Variants in EYS observed in about 807,000 individuals in gnomAD.
The protein encoded by EYS is protein eyes shut homolog.
A neutral mutation model predicts 282.1 loss-of-function variants in EYS; 250 were observed. The ratio of observed to expected loss-of-function variants is 0.89; its 90% CI spans 0.80 to 0.98. The LOEUF (loss-of-function observed/expected upper bound fraction) is 0.98, where lower values mean the gene tolerates loss of function less well. Ranked by LOEUF, EYS falls within the 50% of genes least tolerant of loss-of-function variation. EYS has a pLI of 0.00. For missense variants in EYS, 4,016 were observed against 3,709.0 expected (o/e 1.08, Z -2.15); for synonymous variants, 1,355 against 1,282.9 (o/e 1.06, Z -1.20).
At chr6:64,711,234 AT>A (rs1458861890) in intron 22 of EYS, among the ~76,000 whole-genome samples, 1 of 152,204 alleles carries the variant, frequency 6.6e-6, no homozygotes, top group Admixed American at 6.5e-5. Flanking sequence ...AGAAAGCAAC[AT>A]TGTATTTTAA....
intron 37 of EYS, among the ~76,000 whole-genome samples, chr6:63,796,796 G>T (rs1385927107): frequency 1.3e-5 from 2 of 152,188 alleles, no homozygotes; most frequent in Non-Finnish European, 2.9e-5. Context: ...TCATAGGATT[G>T]TCTCTAGGAA....
intron 22 of EYS, among the ~76,000 whole-genome samples, chr6:64,771,415 A>T (rs997737576): frequency 9.9e-5 from 15 of 151,054 alleles, no homozygotes; most frequent in Non-Finnish European, 4.5e-5. Flanking sequence ...TTTCTATTTT[A>T]CTTAGGAATG....
At chr6:65,611,043 G>A (rs1178082714) in intron 2 of EYS, among the ~76,000 whole-genome samples, 1 of 151,940 alleles carries the variant, frequency 6.6e-6, no homozygotes, top group Non-Finnish European at 1.5e-5. Context: ...ATGGCCTGTT[G>A]ACCCAAAGGG....
intron 5 of EYS, among the ~76,000 whole-genome samples, chr6:65,476,632 A>C (rs2127250003): frequency 6.6e-6 from 1 of 151,864 alleles, no homozygotes; most frequent in East Asian, 1.9e-4. Flanking sequence ...GCTGAAGTGC[A>C]GTGGTGCGAT....
intron 12 of EYS, among the ~76,000 whole-genome samples, chr6:65,102,578 G>A (rs1278226250): frequency 1.3e-5 from 2 of 150,860 alleles, no homozygotes; most frequent in Non-Finnish European, 3.0e-5. Context: ...CCTAATTTAT[G>A]TATAAAATAT....
chr6:64,210,580 TTGAG>T (rs1765733524), intron 31 of EYS, among the ~76,000 whole-genome samples: 1 of 152,208 alleles, frequency 6.6e-6, no homozygotes, highest in Non-Finnish European at 1.5e-5. Context: ...AGTACTGGGA[TTGAG>T]TATTTCTACA....
intron 2 of EYS, among the ~76,000 whole-genome samples, chr6:65,517,720 A>G (rs1279942631): frequency 6.6e-6 from 1 of 152,112 alleles, no homozygotes; most frequent in East Asian, 1.9e-4. Context: ...AATTATTTCA[A>G]CCAAGTAAAG....
intron 41 of EYS, among the ~76,000 whole-genome samples, chr6:63,735,575 C>T (rs1249521173): frequency 2.0e-5 from 3 of 151,856 alleles, no homozygotes; most frequent in Non-Finnish European, 4.4e-5. Flanking sequence ...ATGCAGTGTC[C>T]TACAACTTCT....
intron 12 of EYS, among the ~76,000 whole-genome samples, chr6:65,175,391 C>A (rs1765201281): frequency 6.6e-6 from 1 of 151,102 alleles, no homozygotes; most frequent in Non-Finnish European, 1.5e-5. Flanking sequence ...TGCAGGATAT[C>A]CAAGGTAAAT....
intron 29 of EYS, among the ~76,000 whole-genome samples, chr6:64,313,383 T>G (rs1240200195): frequency 6.8e-6 from 1 of 148,034 alleles, no homozygotes; most frequent in Non-Finnish European, 1.5e-5. Context: ...TGGGACTATG[T>G]GAAAATACCA....
At chr6:64,997,357 A>G (rs1370946583) in intron 14 of EYS, among the ~76,000 whole-genome samples, 1 of 152,166 alleles carries the variant, frequency 6.6e-6, no homozygotes, top group Non-Finnish European at 1.5e-5. Context: ...AGTTTGTTAT[A>G]TAATATTTAA....
intron 22 of EYS, among the ~76,000 whole-genome samples, chr6:64,801,673 AG>A (rs1303508303): frequency 6.6e-6 from 1 of 152,182 alleles, no homozygotes; most frequent in Non-Finnish European, 1.5e-5. Context: ...TAAAATGAAA[AG>A]GCTAATAGAT....
chr6:64,735,226 G>A (rs1481446822), intron 22 of EYS, among the ~76,000 whole-genome samples: 1 of 152,130 alleles, frequency 6.6e-6, no homozygotes, highest in Non-Finnish European at 1.5e-5. Flanking sequence ...TGAGACTACA[G>A]GCGCCTGCCA....
At chr6:63,967,737 T>C (rs1766374504) in intron 35 of EYS, among the ~76,000 whole-genome samples, 1 of 152,196 alleles carries the variant, frequency 6.6e-6, no homozygotes, top group Non-Finnish European at 1.5e-5. Context: ...CTTGTTGAAA[T>C]CAGCCTTCAC....
chr6:64,440,392 T>A (rs796437649), intron 26 of EYS, among the ~76,000 whole-genome samples: 6 of 152,180 alleles, frequency 3.9e-5, no homozygotes, highest in African/African-American at 1.4e-4. Context: ...CAAATTAATT[T>A]TTTTCACTGG....
At chr6:65,226,333 A>G (rs1766625620) in intron 12 of EYS, among the ~76,000 whole-genome samples, 1 of 152,146 alleles carries the variant, frequency 6.6e-6, no homozygotes, top group Non-Finnish European at 1.5e-5. Context: ...AGAAGGTGTA[A>G]GGCTCTTACA....
chr6:65,137,593 G>T (rs1581944213), intron 12 of EYS, among the ~76,000 whole-genome samples: 1 of 152,072 alleles, frequency 6.6e-6, no homozygotes, highest in Non-Finnish European at 1.5e-5. Flanking sequence ...GAGGTCTGGG[G>T]AAAGCAGGAA....
intron 12 of EYS, among the ~76,000 whole-genome samples, chr6:65,222,057 A>G (rs1033884556): frequency 6.6e-6 from 1 of 152,116 alleles, no homozygotes; most frequent in African/African-American, 2.4e-5. Flanking sequence ...GAAGTAACTA[A>G]CTTGCTTTTG....
intron 12 of EYS, among the ~76,000 whole-genome samples, chr6:65,224,155 C>A (rs1582036348): frequency 6.6e-6 from 1 of 152,028 alleles, no homozygotes; most frequent in Non-Finnish European, 1.5e-5. Context: ...CATGGAACAT[C>A]CTCTATGTAT....
Sources: gnomAD v4.1 joint callset for allele counts (sites outside exome capture counted in the v4.1 genomes callset) on GRCh38, gnomAD v4.1.1 for gene constraint, MANE v1.5 for transcripts, NCBI Gene and HGNC (gene_info 2026-07-23, HGNC 2026-07-21) for gene names.